BCKDHB: variants seen among roughly 807,000 people sequenced by gnomAD.
The protein encoded by BCKDHB is branched chain keto acid dehydrogenase E1 subunit beta, also known as 2-oxoisovalerate dehydrogenase subunit beta, mitochondrial.
A neutral mutation model predicts 48.5 loss-of-function variants in BCKDHB; 41 were observed. That is an observed-to-expected ratio of 0.85 (90% CI 0.66 to 1.10). BCKDHB has a LOEUF of 1.10. BCKDHB is among the 50% of genes least tolerant of loss of function. BCKDHB has a pLI of 0.00. For missense variants in BCKDHB, 496 were observed against 494.2 expected (o/e 1.00, Z -0.03); for synonymous variants, 201 against 174.8 (o/e 1.15, Z -1.18).
chr6:80,224,069 C>T (rs964493175), intron 8 of BCKDHB, among the ~76,000 whole-genome samples: 1 of 152,128 alleles, frequency 6.6e-6, no homozygotes, highest in African/African-American at 2.4e-5. Context: ...AAATGTTTGG[C>T]AGCTGAAAAA....
intron 8 of BCKDHB, among the ~76,000 whole-genome samples, chr6:80,225,736 CA>C (rs1775651445): frequency 6.6e-6 from 1 of 152,176 alleles, no homozygotes; most frequent in Non-Finnish European, 1.5e-5. Flanking sequence ...TGTTTGGCCA[CA>C]TTGTTAACTT....
intron 6 of BCKDHB, among the ~76,000 whole-genome samples, chr6:80,185,066 C>A (rs975406558): frequency 1.3e-5 from 2 of 152,172 alleles, no homozygotes; most frequent in African/African-American, 4.8e-5. Flanking sequence ...TCCTCAGGAA[C>A]ACCAATTATT....
rs115652058 is a variant in BCKDHB, at chr6:80,220,520, A to T, written c.951+17308A>T. Among the ~76,000 whole-genome samples, 779 of 144,356 alleles carry T rather than the reference A, an allele frequency of 5.4e-3. 2 individuals are homozygous for T. Among genetic ancestry groups the T allele is most frequent in the African/African-American group, 0.019 (732 of 39,282 alleles). The allele number at this position is 144,356 out of a possible 152,430, so 94.7% of individuals were successfully genotyped here. On this transcript the variant is annotated intron_variant, in intron 8 of 9. Transcript: ENST00000320393. Reference sequence around the variant, plus strand: ...GTCTCTTTCTTCTCTAGGCTTTTCCACTATGGAAAAAGTTGCATAGATCTG... The same window carrying T: ...GTCTCTTTCTTCTCTAGGCTTTTCCTCTATGGAAAAAGTTGCATAGATCTG...
chr6:80,171,420 A>G, intron 6 of BCKDHB, 30 bp downstream of exon 6: 1 of 1,342,180 alleles, frequency 7.5e-7, no homozygotes, highest in African/African-American at 1.5e-5. Flanking sequence ...TATATTTGTG[A>G]ATATCTTTAT....
At chr6:80,376,207 G>T in the BCKDHB span, among the ~76,000 whole-genome samples, 1 of 151,998 alleles carries the variant, frequency 6.6e-6, no homozygotes, top group Admixed American at 6.6e-5. Context: ...TGGGGGTGTG[G>T]TTCCCAGGCC....
At chr6:80,260,962 G>C (rs1481034839) in intron 8 of BCKDHB, among the ~76,000 whole-genome samples, 1 of 152,146 alleles carries the variant, frequency 6.6e-6, no homozygotes, top group African/African-American at 2.4e-5. Flanking sequence ...GACATGTTTT[G>C]CTTGGCTTTC....
the BCKDHB span, among the ~76,000 whole-genome samples, chr6:80,399,367 A>G: frequency 6.6e-6 from 1 of 152,290 alleles, no homozygotes; most frequent in African/African-American, 2.4e-5. Flanking sequence ...TCTTGGCCCA[A>G]AAGCACCTTT....
the BCKDHB span, among the ~76,000 whole-genome samples, chr6:80,354,086 C>T: frequency 6.6e-6 from 1 of 151,940 alleles, no homozygotes; most frequent in Admixed American, 6.6e-5. Context: ...ATATTAGTCT[C>T]CTCCTGTTGG....
At chr6:80,237,110 G>A (rs1776177564) in intron 8 of BCKDHB, among the ~76,000 whole-genome samples, 1 of 152,174 alleles carries the variant, frequency 6.6e-6, no homozygotes, top group Non-Finnish European at 1.5e-5. Context: ...GGTAGAAATT[G>A]AGAGAGTTTG....
intron 9 of BCKDHB, 160 bp from the exon 10 acceptor site, chr6:80,343,504 A>G (rs1221454914): frequency 2.6e-6 from 2 of 768,808 alleles, no homozygotes; most frequent in Non-Finnish European, 2.1e-6. Context: ...TCATGCGAAC[A>G]TGCTGTTACC....
chr6:80,425,414 G>GT, the BCKDHB span, among the ~76,000 whole-genome samples: 12 of 152,218 alleles, frequency 7.9e-5, no homozygotes, highest in South Asian at 2.5e-3. Context: ...TAACAGCTTG[G>GT]TTTTTTCAAC....
intron 9 of BCKDHB, among the ~76,000 whole-genome samples, chr6:80,324,165 A>C (rs765217334): frequency 2.0e-5 from 3 of 152,186 alleles, no homozygotes; most frequent in African/African-American, 4.8e-5. Flanking sequence ...AGTCATTCAG[A>C]GGTCGTTTAT....
intron 1 of BCKDHB, among the ~76,000 whole-genome samples, chr6:80,117,814 G>T (rs963579067): frequency 1.3e-5 from 2 of 152,088 alleles, no homozygotes; most frequent in Non-Finnish European, 2.9e-5. Context: ...ATAAATATGT[G>T]GGTAAATCTC....
At chr6:80,371,225 T>C in the BCKDHB span, among the ~76,000 whole-genome samples, 13 of 152,200 alleles carry the variant, frequency 8.5e-5, no homozygotes, top group Admixed American at 2.0e-4. Flanking sequence ...TTGATATGCA[T>C]TTACCTGATC....
intron 8 of BCKDHB, among the ~76,000 whole-genome samples, chr6:80,206,720 A>G (rs1227398437): frequency 6.6e-6 from 1 of 152,052 alleles, no homozygotes. Flanking sequence ...AAAATGTCCA[A>G]ATTGAAGCAC....
chr6:80,169,155 T>C, intron 5 of BCKDHB, 125 bp downstream of exon 5: 1 of 1,279,222 alleles, frequency 7.8e-7, no homozygotes, highest in South Asian at 1.3e-5. Flanking sequence ...TATGTGAACT[T>C]AACTGTATTT....
intron 6 of BCKDHB, among the ~76,000 whole-genome samples, chr6:80,182,736 T>C (rs1773469943): frequency 6.6e-6 from 1 of 152,206 alleles, no homozygotes; most frequent in African/African-American, 2.4e-5. Flanking sequence ...TATTGTATTA[T>C]AAACATTGTT....
At chr6:80,199,439 A>G (rs572436566) in intron 6 of BCKDHB, among the ~76,000 whole-genome samples, 1 of 152,232 alleles carries the variant, frequency 6.6e-6, no homozygotes, top group Non-Finnish European at 1.5e-5. Context: ...ACAAAAGGGA[A>G]CAACAGTTTT....
At chr6:80,449,914 A>G in the BCKDHB span, among the ~76,000 whole-genome samples, 1 of 152,130 alleles carries the variant, frequency 6.6e-6, no homozygotes, top group Non-Finnish European at 1.5e-5. Flanking sequence ...TTAGTTTCCA[A>G]TAGGAAGTTG....
Sources: gnomAD v4.1 joint callset for allele counts (sites outside exome capture counted in the v4.1 genomes callset) on GRCh38, gnomAD v4.1.1 for gene constraint, MANE v1.5 for transcripts, NCBI Gene and HGNC (gene_info 2026-07-23, HGNC 2026-07-21) for gene names.